The following UGT1A7 variants were observed in gnomAD, a reference collection of about 807,000 sequenced individuals.
UGT1A7 encodes the protein UDP glucuronosyltransferase family 1 member A7.
UGT1A7 carries 33 observed loss-of-function variants against 45.6 expected under a neutral mutation model. The ratio of observed to expected loss-of-function variants is 0.72; its 90% CI spans 0.55 to 0.97. UGT1A7 has a LOEUF of 0.97. Ranked by LOEUF, UGT1A7 falls within the 50% of genes least tolerant of loss-of-function variation. The pLI is 0.00. For synonymous variants in UGT1A7, 274 were observed against 250.6 expected, an observed-to-expected ratio of 1.09 and a Z score of -0.88; for missense variants, 684 against 666.2, an observed-to-expected ratio of 1.03 and a Z score of -0.29.
chr2:233,682,757 G>A lies in UGT1A7; in HGVS notation c.820G>A (p.Gly274Ser), dbSNP rs2074597285. ...PVMPNMIFIG[G>S]INCHQGKPVP... ...GATGCCCAATATGATCTTCATTGGTGGTATCAACTGTCATCAGGGAAAGCC... is the reference window on the plus strand; with the variant it reads ...GATGCCCAATATGATCTTCATTGGTAGTATCAACTGTCATCAGGGAAAGCC... The change falls in exon 1 of 5, where the codon GGT (glycine) becomes AGT (serine). Residue 274 changes from glycine (G) to serine (S), a missense_variant. Coordinates refer to ENST00000373426, the MANE Select transcript of UGT1A7 (RefSeq NM_019077.3). 2.5e-6 allele frequency: 4 copies of A among 1,613,712 alleles called. No homozygotes were observed. Among genetic ancestry groups the A allele is most frequent in the Non-Finnish European group, 3.4e-6 (4 of 1,179,728 alleles).
intron 1 of UGT1A7, among the ~76,000 whole-genome samples, chr2:233,716,738 T>C (rs764631282): frequency 1.3e-5 from 2 of 152,172 alleles, no homozygotes; most frequent in Non-Finnish European, 2.9e-5. Context: ...TTTAGCTCTG[T>C]GAGATTGGGA....
At chr2:233,743,713 A>G (rs753029773) in intron 1 of UGT1A7, 5 of 1,367,332 alleles carry the variant, frequency 3.7e-6, no homozygotes, top group South Asian at 2.3e-5. Flanking sequence ...CCGCCTCGCC[A>G]TAGCGGTCAT....
intron 1 of UGT1A7, chr2:233,713,276 TCA>T: frequency 6.2e-7 from 1 of 1,614,224 alleles, no homozygotes; most frequent in Non-Finnish European, 8.5e-7. Context: ...TTTTGCTGGG[TCA>T]CACTCAATCG....
intron 1 of UGT1A7, among the ~76,000 whole-genome samples, chr2:233,739,549 T>C (rs1346005869): frequency 6.6e-6 from 1 of 152,244 alleles, no homozygotes; most frequent in Non-Finnish European, 1.5e-5. Context: ...AGCTTTAAGA[T>C]TTAATGACTG....
At chr2:233,686,602 G>GTC (rs989920635) in intron 1 of UGT1A7, among the ~76,000 whole-genome samples, 19 of 151,924 alleles carry the variant, frequency 1.3e-4, no homozygotes, top group African/African-American at 3.9e-4. Context: ...TTCTTTGACT[G>GTC]TCTCTCTCTC....
intron 1 of UGT1A7, among the ~76,000 whole-genome samples, 157 bp downstream of exon 1, chr2:233,682,949 G>A (rs1575430315): frequency 6.6e-6 from 1 of 152,260 alleles, no homozygotes; most frequent in East Asian, 1.9e-4. Context: ...TTGTTGGGTA[G>A]CAAATTGTAT....
chr2:233,699,621 C>A (rs1403049874), intron 1 of UGT1A7, among the ~76,000 whole-genome samples: 1 of 152,202 alleles, frequency 6.6e-6, no homozygotes, highest in Non-Finnish European at 1.5e-5. Context: ...GAATAGAATG[C>A]AAGCTCAGGC....
chr2:233,730,574 G>A (rs1277853896), intron 1 of UGT1A7, among the ~76,000 whole-genome samples: 1 of 152,170 alleles, frequency 6.6e-6, no homozygotes, highest in African/African-American at 2.4e-5. Context: ...ACGAAGTTCA[G>A]TTTCCAGACA....
chr2:233,691,689 CAGGAG>C (rs45549435), intron 1 of UGT1A7: 388,597 of 968,978 alleles, frequency 0.4, 78,686 homozygotes, highest in South Asian at 0.46. Flanking sequence ...ACCTGAAGCT[CAGGAG>C]AGGAGTCACT....
chr2:233,761,974 C>T (rs914774281), intron 1 of UGT1A7, among the ~76,000 whole-genome samples: 3 of 152,214 alleles, frequency 2.0e-5, no homozygotes, highest in African/African-American at 7.2e-5. Context: ...CTGATATCAC[C>T]TTCGGAGGTG....
At chr2:233,758,789 A>G (rs1481427299) in intron 1 of UGT1A7, among the ~76,000 whole-genome samples, 3 of 152,222 alleles carry the variant, frequency 2.0e-5, no homozygotes, top group Admixed American at 6.5e-5. Context: ...CTGTGCAGTT[A>G]TCTTGGAATT....
Position 233,772,679 on chromosome 2 carries a change from T to C in UGT1A7, c.*120T>C. On this transcript the variant is annotated 3_prime_UTR_variant, in exon 5 of 5. Transcript: ENST00000373426. ...TAAGGAAATACTTTGCATAAATTAATCAGCCCCAGAGTGCTTTAAAAAATT... is the reference window on the plus strand; with the variant it reads ...TAAGGAAATACTTTGCATAAATTAACCAGCCCCAGAGTGCTTTAAAAAATT... The C allele has an allele frequency of 6.5e-7, 1 of 1,531,230 alleles. No homozygotes were observed. Among genetic ancestry groups the C allele is most frequent in the Non-Finnish European group, 8.8e-7 (1 of 1,141,982 alleles). 94.9% of individuals were successfully genotyped at this position (1,531,230 alleles called of 1,614,324 possible).
intron 1 of UGT1A7, among the ~76,000 whole-genome samples, chr2:233,686,849 C>G (rs1224138854): frequency 6.6e-6 from 1 of 152,172 alleles, no homozygotes; most frequent in Middle Eastern, 3.2e-3. Context: ...TCCTTCCCCA[C>G]CTATGTCTTT....
At chr2:233,717,613 A>C (rs998519106) in intron 1 of UGT1A7, among the ~76,000 whole-genome samples, 1 of 152,256 alleles carries the variant, frequency 6.6e-6, no homozygotes, top group African/African-American at 2.4e-5. Flanking sequence ...GGCACAGCCC[A>C]GAGAGCCTGC....
chr2:233,741,506 T>G (rs1461228170), intron 1 of UGT1A7: 1 of 151,928 alleles, frequency 6.6e-6, no homozygotes, highest in Non-Finnish European at 1.5e-5. Flanking sequence ...TGAACTCATT[T>G]TTCAAAAGCC....
chr2:233,748,333 G>A (rs1453810710), intron 1 of UGT1A7, among the ~76,000 whole-genome samples: 2 of 151,780 alleles, frequency 1.3e-5, no homozygotes, highest in Non-Finnish European at 2.9e-5. Flanking sequence ...GTGACTCATG[G>A]AGACTGTTCG....
In UGT1A7 at chr2:233,768,291, G is replaced by T; in HGVS notation, c.1147G>T (p.Val383Phe). The change falls in exon 4 of 5, where the codon GTT becomes TTT. Residue 383 changes from valine to phenylalanine, a missense_variant. Physicochemically the swap from Val to Phe is conservative, Grantham distance 50. Coordinates refer to ENST00000373426, the MANE Select transcript of UGT1A7 (RefSeq NM_019077.3). ...HGVYESICNG[V>F]PMVMMPLFGD... ...TGTTTATGAAAGCATATGCAATGGC[G>T]TTCCCATGGTGATGATGCCCTTGTT... is the stretch of plus-strand genomic sequence containing the variant. 1 of 1,614,148 alleles carries T rather than the reference G, an allele frequency of 6.2e-7. No homozygotes were observed. Among genetic ancestry groups the T allele is most frequent in the Non-Finnish European group, 8.5e-7 (1 of 1,180,032 alleles).
At chr2:233,731,770 T>C (rs1223640583) in intron 1 of UGT1A7, among the ~76,000 whole-genome samples, 2 of 152,114 alleles carry the variant, frequency 1.3e-5, no homozygotes, top group Non-Finnish European at 2.9e-5. Context: ...CTTAGAGTAG[T>C]ATCATTTATA....
chr2:233,718,509 G>A (rs776286738), intron 1 of UGT1A7, among the ~76,000 whole-genome samples: 2 of 152,224 alleles, frequency 1.3e-5, no homozygotes, highest in Non-Finnish European at 2.9e-5. Flanking sequence ...GCAGTGACAT[G>A]AAATGGGTGT....
Sources: allele counts gnomAD v4.1 joint callset (sites outside exome capture counted in the v4.1 genomes callset), GRCh38; gene constraint gnomAD v4.1.1; transcripts MANE v1.5; gene names NCBI Gene and HGNC (gene_info 2026-07-23, HGNC 2026-07-21).